The following LYPD8 variants were observed in gnomAD, a reference collection of about 807,000 sequenced individuals.
LYPD8 encodes ly6/PLAUR domain-containing protein 8.
A neutral mutation model predicts 1.7 loss-of-function variants in LYPD8; 8 were observed. The ratio of observed to expected loss-of-function variants is 4.58; its 90% CI spans 2.69 to 8.27. LYPD8 has a LOEUF of 8.27. Ranked by LOEUF, LYPD8 falls within the 30% of genes most tolerant of loss-of-function variation. LYPD8 has a pLI of 0.00. For missense variants in LYPD8, 112 were observed against 102.3 expected, an observed-to-expected ratio of 1.09 and a Z score of -0.41; for synonymous variants, 50 against 43.6, an observed-to-expected ratio of 1.15 and a Z score of -0.58.
intron 2 of LYPD8, among the ~76,000 whole-genome samples, chr1:248,753,343 C>A (rs1230228767): frequency 2.2e-5 from 3 of 136,816 alleles, no homozygotes; most frequent in African/African-American, 5.6e-5. Context: ...ACACACCACA[C>A]ACACCACACA....
Position 248,739,763 on chromosome 1 carries a change from G to C in LYPD8, c.562C>G (p.Leu188Val), listed in dbSNP as rs1553283081. The C allele has an allele frequency of 1.3e-6, 2 of 1,551,740 alleles. No individual in the cohort carries two copies. Among genetic ancestry groups the C allele is most frequent in the East Asian group, 4.9e-5 (2 of 40,916 alleles). Residue 188 changes from leucine (L) to valine (V), a missense_variant, in exon 7 of 7, where the codon CTT (leucine) becomes GTT (valine). Transcript: ENST00000590317. The surrounding 1 kb of genome is among the most constrained non-coding windows in gnomAD (Gnocchi z 4.3). ...AACTTTCGAAAGATGACTCCTCCAA[G>C]AGTCTTGTTTTCACCAGACAGGAAC... is the stretch of plus-strand genomic sequence containing the variant. ...CQFLSGENKT[L>V]GGVIFRKFEC...
chr1:248,739,995 C>G lies in LYPD8; in HGVS notation c.476-146G>C, dbSNP rs1662559930. On this transcript the variant is annotated intron_variant, in intron 6 of 6. Coordinates refer to ENST00000590317, the MANE Select transcript of LYPD8 (RefSeq NM_001085474.2). The surrounding 1 kb of genome is among the most constrained non-coding windows in gnomAD (Gnocchi z 4.3). ...CTGAAGCCCAGGCAGGAAGAAGGAGCCTGCGTGTTCAGAGTCAAGAACACC... is the reference window on the plus strand; with the variant it reads ...CTGAAGCCCAGGCAGGAAGAAGGAGGCTGCGTGTTCAGAGTCAAGAACACC... 1 of 1,037,992 alleles carries G rather than the reference C, an allele frequency of 9.6e-7. No homozygotes were observed. The highest frequency in any genetic ancestry group is 1.4e-6 in the Non-Finnish European group (1 of 725,568). The allele number at this position is 1,037,992 out of a possible 1,614,324, so 64.3% of individuals were successfully genotyped here.
chr1:248,742,088 T>C (rs2103165979), intron 6 of LYPD8, among the ~76,000 whole-genome samples: 1 of 152,356 alleles, frequency 6.6e-6, no homozygotes, highest in South Asian at 2.1e-4. Flanking sequence ...AGGGGGAACC[T>C]TAATGTAAGC....
chr1:248,749,791 T>C (rs1416464986), intron 4 of LYPD8, among the ~76,000 whole-genome samples: 2 of 152,098 alleles, frequency 1.3e-5, no homozygotes, highest in Non-Finnish European at 2.9e-5. Flanking sequence ...AAAACAATTA[T>C]GATCAGAGAT....
Position 248,742,213 on chromosome 1 carries a change from G to T in LYPD8, c.476-2364C>A, listed in dbSNP as rs1269398191. Among the ~76,000 whole-genome samples, 4 of 125,610 alleles carry T rather than the reference G, an allele frequency of 3.2e-5. No homozygotes were observed. In the East Asian group the frequency reaches 1.0e-3, roughly 32 times the overall value. 82.4% of individuals were successfully genotyped at this position (125,610 alleles called of 152,430 possible). A position where few individuals can be genotyped will look rare whatever the true frequency, so the allele number is the denominator to read the frequency against. The stretch of plus-strand genomic sequence containing the variant: ...ATGCTCTGGTGGGGATGTTGGCAGC[G>T]GGGGAGATTACGCTCTGGTGGGGAT... On this transcript the variant is annotated intron_variant, in intron 6 of 6. Coordinates refer to ENST00000590317, the MANE Select transcript of LYPD8 (RefSeq NM_001085474.2).
At chr1:248,753,751 ACACATACACACCACATCACACACACAC>A (rs1169447300) in intron 2 of LYPD8, among the ~76,000 whole-genome samples, 10 of 140,356 alleles carry the variant, frequency 7.1e-5, no homozygotes, top group Non-Finnish European at 1.4e-4. Context: ...CCCCCACACA[ACACATACACACCACATCACACACACAC>A]CACACATCAC....
intron 2 of LYPD8, among the ~76,000 whole-genome samples, chr1:248,753,202 CACACA>C (rs1662853700): frequency 9.0e-6 from 1 of 111,360 alleles, no homozygotes; most frequent in Non-Finnish European, 1.8e-5. Context: ...CATCACACCC[CACACA>C]ACACACACAC....
At chr1:248,752,580 ACACACACAC>A (rs1662817626) in intron 2 of LYPD8, among the ~76,000 whole-genome samples, 2 of 131,160 alleles carry the variant, frequency 1.5e-5, no homozygotes, top group Admixed American at 7.7e-5. Context: ...CACACACATC[ACACACACAC>A]CACACACCCC....
intron 2 of LYPD8, among the ~76,000 whole-genome samples, chr1:248,752,923 C>CA (rs1250164683): frequency 4.9e-5 from 5 of 102,956 alleles, no homozygotes; most frequent in African/African-American, 2.2e-4. Context: ...CACCAACACA[C>CA]CACATCACAC....
intron 4 of LYPD8, among the ~76,000 whole-genome samples, chr1:248,749,448 C>A (rs1400314306): frequency 2.0e-5 from 3 of 152,212 alleles, no homozygotes; most frequent in Non-Finnish European, 4.4e-5. Flanking sequence ...GATTGGATAA[C>A]CTATAAAGAG....
At chr1:248,752,651 A>C (rs1463407788) in intron 2 of LYPD8, among the ~76,000 whole-genome samples, 2 of 100,000 alleles carry the variant, frequency 2.0e-5, no homozygotes, top group East Asian at 3.3e-4. Context: ...CACAACACAC[A>C]ACACACACCA....
chr1:248,752,875 C>T (rs1390547779), intron 2 of LYPD8, among the ~76,000 whole-genome samples: 1 of 128,124 alleles, frequency 7.8e-6, no homozygotes, highest in Admixed American at 7.6e-5. Context: ...ACACCACACA[C>T]CCCACACAAC....
chr1:248,751,774 C>T (rs1662806102), intron 2 of LYPD8, among the ~76,000 whole-genome samples: 1 of 152,190 alleles, frequency 6.6e-6, no homozygotes, highest in Admixed American at 6.5e-5. Context: ...TGTCCCCAAC[C>T]GCCAGCCCAC....
In LYPD8 at chr1:248,740,796, G is replaced by A. The variant is rs1326095444; in HGVS notation, c.476-947C>T. ...AGGGCTGCAATTTGAGTTCAAGGCT[G>A]GCTCTAGGACCAGGCATGAAGCAGG... On this transcript the variant is annotated intron_variant, in intron 6 of 6. Transcript: ENST00000590317. Among the ~76,000 whole-genome samples, 3 of 152,252 alleles carry A rather than the reference G, an allele frequency of 2.0e-5. No individual in the cohort carries two copies. The East Asian group carries it at 5.8e-4, about 29-fold the overall frequency.
intron 6 of LYPD8, among the ~76,000 whole-genome samples, chr1:248,740,757 A>G (rs1662579744): frequency 6.6e-6 from 1 of 151,676 alleles, no homozygotes; most frequent in Non-Finnish European, 1.5e-5. Flanking sequence ...TGGCTCTAGG[A>G]CCAGGCATGA....
intron 6 of LYPD8, among the ~76,000 whole-genome samples, chr1:248,743,670 C>G (rs1662666196): frequency 1.3e-5 from 2 of 152,070 alleles, no homozygotes; most frequent in Non-Finnish European, 2.9e-5. Context: ...GCCTGACTAT[C>G]TCAGCCTCCC....
At position 248,748,457 on chromosome 1, in the gene LYPD8, C is replaced by A; in HGVS notation, c.173-4G>T. 2.5e-6 allele frequency: 1 copy of A among 403,930 alleles called. No homozygotes were observed. The highest frequency in any genetic ancestry group is 1.2e-4 in the South Asian group (1 of 8,498). The allele number at this position is 403,930 out of a possible 1,614,324, so 25.0% of individuals were successfully genotyped here. Reference sequence around the variant, plus strand: ...TGGTATAATCTGACTGGTGTCTCTACACAAAGACAAACACAGACTGTCAGC... The same window carrying A: ...TGGTATAATCTGACTGGTGTCTCTAAACAAAGACAAACACAGACTGTCAGC... On this transcript the variant is annotated splice_region_variant and splice_polypyrimidine_tract_variant and intron_variant, in intron 4 of 6. Transcript: ENST00000590317.
At position 248,739,909 on chromosome 1, in the gene LYPD8, C is replaced by G. The variant is rs1662558611; in HGVS notation, c.476-60G>C. On this transcript the variant is annotated intron_variant, in intron 6 of 6. Coordinates refer to ENST00000590317, the MANE Select transcript of LYPD8 (RefSeq NM_001085474.2). The surrounding 1 kb of genome is among the most constrained non-coding windows in gnomAD (Gnocchi z 4.3). The stretch of plus-strand genomic sequence containing the variant: ...CAGTCCTTTGTCCTTCCACCCACGC[C>G]TGCTCTTAGTTCTTCACCTGCAGCA... 3 of 1,542,720 alleles carry G rather than the reference C, an allele frequency of 1.9e-6. No individual in the cohort carries two copies. The African/African-American group carries it at 4.1e-5, about 21-fold the overall frequency.
intron 2 of LYPD8, among the ~76,000 whole-genome samples, chr1:248,752,379 T>C (rs1662813387): frequency 6.6e-6 from 1 of 151,886 alleles, no homozygotes; most frequent in Admixed American, 6.6e-5. Flanking sequence ...AGTGCTCTAT[T>C]CCAGGTCCTT....
Sources: gnomAD v4.1 joint callset for allele counts (sites outside exome capture counted in the v4.1 genomes callset) on GRCh38, gnomAD v4.1.1 for gene constraint, Gnocchi (gnomAD v3.1) non-coding constraint, MANE v1.5 for transcripts, NCBI Gene and HGNC (gene_info 2026-07-23, HGNC 2026-07-21) for gene names.